AGAP1: variants seen among roughly 807,000 people sequenced by gnomAD.
AGAP1 encodes the protein ArfGAP with GTPase domain, ankyrin repeat and PH domain 1, also known as arf-GAP with GTPase, ANK repeat and PH domain-containing protein 1.
Under a neutral mutation model 105.3 loss-of-function variants are expected in AGAP1, and 29 were observed. The observed-to-expected ratio is 0.28, with a 90% CI of 0.21 to 0.38. AGAP1 has a LOEUF of 0.38. Ranked by LOEUF, AGAP1 falls within the 10% of genes least tolerant of loss-of-function variation. The pLI, the probability that AGAP1 is intolerant of heterozygous loss-of-function variation, is 1.00. For missense variants in AGAP1, 998 were observed against 1,165.1 expected, an observed-to-expected ratio of 0.86 and a Z score of 2.09; for synonymous variants, 509 against 485.9, an observed-to-expected ratio of 1.05 and a Z score of -0.63.
intron 1 of AGAP1, 148 bp downstream of exon 1, chr2:235,494,997 T>A: frequency 1.4e-6 from 1 of 708,720 alleles, no homozygotes; most frequent in Non-Finnish European, 2.0e-6. Flanking sequence ...CTGCTTGTCT[T>A]GCAAGGCCGG....
At chr2:236,060,622 G>A (rs909126990) in intron 16 of AGAP1, among the ~76,000 whole-genome samples, 5 of 151,916 alleles carry the variant, frequency 3.3e-5, no homozygotes, top group Non-Finnish European at 5.9e-5. Context: ...TTGAGCCTAG[G>A]AGGTCAAGGC....
chr2:235,758,785 G>A (rs939920222), intron 6 of AGAP1, among the ~76,000 whole-genome samples: 2 of 150,924 alleles, frequency 1.3e-5, no homozygotes, highest in African/African-American at 2.5e-5. Flanking sequence ...ATCAAGTCAC[G>A]TAAGGCGTGT....
intron 1 of AGAP1, among the ~76,000 whole-genome samples, chr2:235,619,472 TG>T (rs1946408507): frequency 7.7e-6 from 1 of 129,324 alleles, no homozygotes; most frequent in African/African-American, 3.1e-5. Flanking sequence ...GATTCAAACC[TG>T]GGGCTGAAGT....
chr2:235,578,710 A>G lies in AGAP1; in HGVS notation c.163+83861A>G, dbSNP rs534934540. On this transcript the variant is annotated intron_variant, in intron 1 of 17. Coordinates refer to ENST00000304032, the MANE Select transcript of AGAP1 (RefSeq NM_001037131.3). This position sits in a 1 kb window ranked among gnomAD's most constrained non-coding sequence, Gnocchi z 4.9. ...TGAGGCAGGAGAATTGCTTGAACCC[A>G]GGAGGCGGAGGTTGCAGTAAGCCGA... Among the ~76,000 whole-genome samples, 1 of 151,218 alleles carries G rather than the reference A, an allele frequency of 6.6e-6. No homozygotes were observed. The highest frequency in any genetic ancestry group is 6.6e-5 in the Admixed American group (1 of 15,152).
intron 16 of AGAP1, among the ~76,000 whole-genome samples, chr2:236,069,139 A>G (rs959398973): frequency 2.0e-5 from 3 of 151,992 alleles, no homozygotes; most frequent in African/African-American, 7.2e-5. Context: ...AAAAAAAAAA[A>G]GAAAGAAATT....
intron 1 of AGAP1, among the ~76,000 whole-genome samples, chr2:235,534,909 A>T (rs1313967089): frequency 1.3e-5 from 2 of 152,116 alleles, no homozygotes; most frequent in African/African-American, 4.8e-5. Flanking sequence ...TGGATGAGTT[A>T]TCAGTTGTAG....
intron 1 of AGAP1, among the ~76,000 whole-genome samples, chr2:235,593,637 A>C (rs1945422832): frequency 6.6e-6 from 1 of 152,128 alleles, no homozygotes; most frequent in Non-Finnish European, 1.5e-5. Context: ...GTTTTCAAAA[A>C]TGTGTATTCA....
At chr2:235,653,022 G>A (rs918706846) in intron 1 of AGAP1, among the ~76,000 whole-genome samples, 7 of 152,182 alleles carry the variant, frequency 4.6e-5, no homozygotes, top group African/African-American at 1.4e-4. Context: ...ATCAACAGGT[G>A]TGGGGAGGCA....
At chr2:236,049,386 T>A in intron 16 of AGAP1, 105 bp downstream of exon 16, 1 of 1,056,770 alleles carries the variant, frequency 9.5e-7, no homozygotes, top group Non-Finnish European at 1.4e-6. Flanking sequence ...TGATAACCTG[T>A]AGGAATTCGG....
intron 1 of AGAP1, among the ~76,000 whole-genome samples, chr2:235,590,680 T>TGC (rs199873607): frequency 0.19 from 21,659 of 115,810 alleles, 2,515 homozygotes; most frequent in African/African-American, 0.33. Context: ...TGTGTGTGTG[T>TGC]GTGTGCGTGT....
rs1476501580 is a variant in AGAP1 at position 235,701,051 on chromosome 2, ATATTATATAT to A, written c.164-8127_164-8118del. On this transcript the variant is annotated intron_variant, in intron 1 of 17. Coordinates refer to ENST00000304032, the MANE Select transcript of AGAP1 (RefSeq NM_001037131.3). The surrounding 1 kb of genome is among the most constrained non-coding windows in gnomAD (Gnocchi z 4.1). The stretch of plus-strand genomic sequence containing the variant: ...TATGCTATAATATAGTTATATGTAT[ATATTATATAT>A]GCTATAATATAGTTATATGTATATA... 0.029 allele frequency among the ~76,000 whole-genome samples: 4,103 copies of A among 142,504 alleles called. 172 individuals carry two copies. Among genetic ancestry groups the A allele is most frequent in the African/African-American group, 0.085 (3,257 of 38,362 alleles). The allele number at this position is 142,504 out of a possible 152,430, so 93.5% of individuals were successfully genotyped here. A position where few individuals can be genotyped will look rare whatever the true frequency, so the allele number is the denominator to read the frequency against.
chr2:235,602,064 T>G lies in AGAP1; in HGVS notation c.164-107115T>G, dbSNP rs559683500. ...AAACACCGATGTCCTTACTATGACCTCCAGGGCCGCAGAGCAGGCACTGGC... is the reference window on the plus strand; with the variant it reads ...AAACACCGATGTCCTTACTATGACCGCCAGGGCCGCAGAGCAGGCACTGGC... On this transcript the variant is annotated intron_variant, in intron 1 of 17. Coordinates refer to ENST00000304032, the MANE Select transcript of AGAP1 (RefSeq NM_001037131.3). Among the ~76,000 whole-genome samples, 44 of 152,336 alleles carry G rather than the reference T, an allele frequency of 2.9e-4. No homozygotes were observed. The South Asian group carries it at 9.1e-3, about 32-fold the overall frequency.
chr2:236,108,205 GCT>G (rs2059549773), intron 16 of AGAP1, among the ~76,000 whole-genome samples: 1 of 152,228 alleles, frequency 6.6e-6, no homozygotes, highest in Non-Finnish European at 1.5e-5. Context: ...GTCAGCGCCC[GCT>G]CGCAGTGGGC....
chr2:235,784,719 C>A (rs919814569), intron 6 of AGAP1, among the ~76,000 whole-genome samples: 2 of 151,552 alleles, frequency 1.3e-5, no homozygotes, highest in Non-Finnish European at 2.9e-5. Context: ...GAATTTAGAT[C>A]GTTTTAAAAA....
chr2:235,929,155 G>A (rs1575805623), intron 11 of AGAP1, among the ~76,000 whole-genome samples: 1 of 152,230 alleles, frequency 6.6e-6, no homozygotes, highest in African/African-American at 2.4e-5. Flanking sequence ...TGAGCCCCTT[G>A]GATGCCAGTG....
chr2:236,102,124 A>T (rs1324148285), intron 16 of AGAP1, among the ~76,000 whole-genome samples: 3 of 152,106 alleles, frequency 2.0e-5, no homozygotes, highest in African/African-American at 7.2e-5. Flanking sequence ...TCTACTAAAA[A>T]TACAAAAATT....
At chr2:235,632,983 G>A (rs892045061) in intron 1 of AGAP1, among the ~76,000 whole-genome samples, 1 of 151,924 alleles carries the variant, frequency 6.6e-6, no homozygotes, top group African/African-American at 2.4e-5. Flanking sequence ...AAGGGGTCTC[G>A]GCTTCCTTCC....
rs981217094 is a variant in AGAP1, at chr2:236,057,487, C to T, written c.2114+8206C>T. 3.3e-5 allele frequency among the ~76,000 whole-genome samples: 5 copies of T among 152,192 alleles called. No homozygotes were observed. The East Asian group carries it at 9.6e-4, about 29-fold the overall frequency. On this transcript the variant is annotated intron_variant, in intron 16 of 17. Coordinates refer to ENST00000304032, the MANE Select transcript of AGAP1 (RefSeq NM_001037131.3). ...CCATCAGTGCTAATCCTAAGAGCTTCCACAGAAAACAGCACTGAGAACTGT... is the reference window on the plus strand; with the variant it reads ...CCATCAGTGCTAATCCTAAGAGCTTTCACAGAAAACAGCACTGAGAACTGT...
At chr2:235,604,283 C>G (rs1409419855) in intron 1 of AGAP1, among the ~76,000 whole-genome samples, 1 of 151,776 alleles carries the variant, frequency 6.6e-6, no homozygotes, top group Non-Finnish European at 1.5e-5. Flanking sequence ...GATTTGAGAC[C>G]AGGCTGGGCA....
Sources: allele counts gnomAD v4.1 joint callset (sites outside exome capture counted in the v4.1 genomes callset), GRCh38; gene constraint gnomAD v4.1.1; non-coding constraint Gnocchi (gnomAD v3.1); transcripts MANE v1.5; gene names NCBI Gene and HGNC (gene_info 2026-07-23, HGNC 2026-07-21).